LHFPL2: variants seen among roughly 807,000 people sequenced by gnomAD.
The protein encoded by LHFPL2 is LHFPL tetraspan subfamily member 2, also known as LHFPL tetraspan subfamily member 2 protein.
LHFPL2 carries 7 observed loss-of-function variants against 17.5 expected under a neutral mutation model. The observed-to-expected ratio is 0.40, with a 90% CI of 0.23 to 0.75. LHFPL2 has a LOEUF of 0.75. LHFPL2 is among the 30% of genes least tolerant of loss of function. The pLI is 0.37. For synonymous variants in LHFPL2, 134 were observed against 116.2 expected, an observed-to-expected ratio of 1.15 and a Z score of -0.99; for missense variants, 241 against 294.8, an observed-to-expected ratio of 0.82 and a Z score of 1.34.
At chr5:78,489,196 G>A (rs961296795) in intron 4 of LHFPL2, 43 bp from the exon 5 acceptor site, 1 of 1,607,348 alleles carries the variant, frequency 6.2e-7, no homozygotes, top group Non-Finnish European at 8.5e-7. Context: ...TCCCCATGGT[G>A]CTACAACTGT....
intron 3 of LHFPL2, among the ~76,000 whole-genome samples, chr5:78,548,855 A>G (rs1443932859): frequency 6.6e-6 from 1 of 152,234 alleles, no homozygotes; most frequent in African/African-American, 2.4e-5. Flanking sequence ...TCCTATCCAG[A>G]AATTTAGATT....
At chr5:78,635,638 T>C (rs896448270) in intron 1 of LHFPL2, among the ~76,000 whole-genome samples, 28 of 152,066 alleles carry the variant, frequency 1.8e-4, no homozygotes, top group African/African-American at 5.1e-4. Context: ...CCGTCTCTAC[T>C]AAAAAATACA....
chr5:78,554,605 A>C (rs1383387047), intron 3 of LHFPL2, among the ~76,000 whole-genome samples: 1 of 152,258 alleles, frequency 6.6e-6, no homozygotes, highest in Non-Finnish European at 1.5e-5. Flanking sequence ...GACTAAAGCC[A>C]CTTGATACAG....
intron 4 of LHFPL2, among the ~76,000 whole-genome samples, chr5:78,492,209 GC>G (rs761024212): frequency 6.6e-6 from 1 of 152,220 alleles, no homozygotes; most frequent in Non-Finnish European, 1.5e-5. Context: ...CTGCCCTAAA[GC>G]TCTGAGTGTA....
intron 4 of LHFPL2, among the ~76,000 whole-genome samples, chr5:78,493,096 T>A (rs955573796): frequency 6.6e-6 from 1 of 152,196 alleles, no homozygotes; most frequent in Non-Finnish European, 1.5e-5. Flanking sequence ...CAAAAATAAA[T>A]TTTTTTAAAA....
intron 3 of LHFPL2, among the ~76,000 whole-genome samples, chr5:78,526,283 G>A (rs935884939): frequency 6.6e-6 from 1 of 152,078 alleles, no homozygotes; most frequent in Non-Finnish European, 1.5e-5. Flanking sequence ...AATCTCCTTG[G>A]GTTTAGAAAT....
chr5:78,531,959 CTG>C, intron 3 of LHFPL2, among the ~76,000 whole-genome samples: 1 of 151,090 alleles, frequency 6.6e-6, no homozygotes, highest in African/African-American at 2.4e-5. Flanking sequence ...GAGTCTCACT[CTG>C]TCACCCAGGC....
intron 4 of LHFPL2, among the ~76,000 whole-genome samples, chr5:78,492,383 A>G (rs1397967540): frequency 1.3e-5 from 2 of 152,226 alleles, no homozygotes; most frequent in Non-Finnish European, 2.9e-5. Context: ...GTCACATACC[A>G]GCTCTGCCAC....
At chr5:78,621,374 C>T (rs749696721) in intron 2 of LHFPL2, among the ~76,000 whole-genome samples, 43 of 151,600 alleles carry the variant, frequency 2.8e-4, no homozygotes, top group Non-Finnish European at 5.1e-4. Flanking sequence ...CAAACACACT[C>T]TAGACCTCTC....
At chr5:78,526,111 C>T (rs1239838303) in intron 3 of LHFPL2, among the ~76,000 whole-genome samples, 1 of 152,120 alleles carries the variant, frequency 6.6e-6, no homozygotes, top group Non-Finnish European at 1.5e-5. Flanking sequence ...CTCTCTGCCT[C>T]TTCTGCTGGC....
chr5:78,577,159 G>A (rs1481960508), intron 2 of LHFPL2, among the ~76,000 whole-genome samples: 1 of 152,204 alleles, frequency 6.6e-6, no homozygotes, highest in East Asian at 1.9e-4. Flanking sequence ...AATGAGAGAC[G>A]CAGGCCTTCC....
At chr5:78,582,974 ATTGG>A (rs1743205750) in intron 2 of LHFPL2, among the ~76,000 whole-genome samples, 1 of 152,174 alleles carries the variant, frequency 6.6e-6, no homozygotes, top group Non-Finnish European at 1.5e-5. Flanking sequence ...GTGCTCCTGT[ATTGG>A]GTGCATATAT....
chr5:78,638,462 G>A (rs189640264), intron 1 of LHFPL2, among the ~76,000 whole-genome samples: 4 of 152,274 alleles, frequency 2.6e-5, no homozygotes, highest in East Asian at 3.9e-4. Flanking sequence ...GCCTCCCTTC[G>A]AGGGCAGGAC....
At chr5:78,568,543 A>G (rs1756917557) in intron 2 of LHFPL2, among the ~76,000 whole-genome samples, 1 of 152,214 alleles carries the variant, frequency 6.6e-6, no homozygotes, top group Non-Finnish European at 1.5e-5. Flanking sequence ...CTTGAAGTGC[A>G]CTGATTTGAA....
chr5:78,573,924 C>T (rs2112430247), intron 2 of LHFPL2, among the ~76,000 whole-genome samples: 1 of 152,254 alleles, frequency 6.6e-6, no homozygotes, highest in Middle Eastern at 3.4e-3. Flanking sequence ...TAGGAATGAA[C>T]ACTTGTCTCA....
In LHFPL2 at chr5:78,519,458, G is replaced by T. The variant is rs534778200; in HGVS notation, c.-185-9060C>A. On this transcript the variant is annotated intron_variant, in intron 3 of 4. Coordinates refer to ENST00000380345, the MANE Select transcript of LHFPL2 (RefSeq NM_005779.3). ...TGTCAGGCTTCAGGAAGGGTACACA[G>T]GACAAAACCCCTCACCTCCACCCGT... Among the ~76,000 whole-genome samples the T allele has an allele frequency of 2.0e-5, 3 of 152,202 alleles. No homozygotes were observed. In the South Asian group the frequency reaches 6.2e-4, roughly 32 times the overall value.
intron 2 of LHFPL2, among the ~76,000 whole-genome samples, chr5:78,628,005 C>G (rs1181477456): frequency 6.6e-6 from 1 of 152,136 alleles, no homozygotes; most frequent in Non-Finnish European, 1.5e-5. Flanking sequence ...TACATCAGGA[C>G]TTATAGCAAC....
intron 3 of LHFPL2, among the ~76,000 whole-genome samples, chr5:78,538,727 GCA>G (rs1392094119): frequency 6.6e-6 from 1 of 152,166 alleles, no homozygotes; most frequent in Admixed American, 6.5e-5. Context: ...ACCTGCACGG[GCA>G]CAGTTTCACT....
chr5:78,628,432 A>G (rs1045548888), intron 2 of LHFPL2, among the ~76,000 whole-genome samples: 1 of 152,196 alleles, frequency 6.6e-6, no homozygotes, highest in Non-Finnish European at 1.5e-5. Flanking sequence ...TCCTTCCCCC[A>G]GGGTGGGGTC....
Sources: allele counts gnomAD v4.1 joint callset (sites outside exome capture counted in the v4.1 genomes callset), GRCh38; gene constraint gnomAD v4.1.1; transcripts MANE v1.5; gene names NCBI Gene and HGNC (gene_info 2026-07-23, HGNC 2026-07-21).